UNC13C: variants seen among roughly 807,000 people sequenced by gnomAD.
UNC13C encodes protein unc-13 homolog C.
Under a neutral mutation model 245.4 loss-of-function variants are expected in UNC13C, and 174 were observed. The observed-to-expected ratio is 0.71, with a 90% CI of 0.63 to 0.80. The LOEUF (loss-of-function observed/expected upper bound fraction) is 0.80. Among genes scored for constraint, UNC13C ranks in the 30% least tolerant of loss-of-function variants. UNC13C has a pLI of 0.00. For synonymous variants in UNC13C, 992 were observed against 895.1 expected (o/e 1.11, Z -1.93); for missense variants, 2,829 against 2,602.9 (o/e 1.09, Z -1.89).
At chr15:54,148,824 C>T (rs571964913) in intron 4 of UNC13C, among the ~76,000 whole-genome samples, 1 of 152,310 alleles carries the variant, frequency 6.6e-6, no homozygotes, top group South Asian at 2.1e-4. Flanking sequence ...GTTTACCCTA[C>T]GGCACCATCC....
At chr15:54,608,735 C>T (rs181916464) in intron 30 of UNC13C, among the ~76,000 whole-genome samples, 124 of 152,226 alleles carry the variant, frequency 8.1e-4, no homozygotes, top group African/African-American at 2.8e-3. Flanking sequence ...TTGCATTATA[C>T]CCTCTGTTTA....
intron 4 of UNC13C, among the ~76,000 whole-genome samples, chr15:54,199,132 A>C (rs1488678444): frequency 2.0e-5 from 3 of 152,088 alleles, no homozygotes; most frequent in Non-Finnish European, 4.4e-5. Context: ...AACCCAATCC[A>C]TCAAAGACAA....
chr15:54,071,679 C>G (rs1898336218), intron 2 of UNC13C, among the ~76,000 whole-genome samples: 1 of 152,054 alleles, frequency 6.6e-6, no homozygotes, highest in South Asian at 2.1e-4. Context: ...AAAAAGAACA[C>G]TATTTCATGA....
the UNC13C span, among the ~76,000 whole-genome samples, chr15:53,876,669 A>G: frequency 6.6e-6 from 1 of 152,016 alleles, no homozygotes; most frequent in African/African-American, 2.4e-5. Flanking sequence ...GTCTGCTCAG[A>G]TTTATTTATT....
the UNC13C span, chr15:53,911,238 T>G: frequency 6.6e-6 from 1 of 152,188 alleles, no homozygotes; most frequent in African/African-American, 2.4e-5. Context: ...GACCTCCAGG[T>G]GCAAGCAGGG....
At chr15:54,022,754 G>T (rs777548145) in intron 2 of UNC13C, among the ~76,000 whole-genome samples, 1 of 152,042 alleles carries the variant, frequency 6.6e-6, no homozygotes. Context: ...TTTTTACTTC[G>T]ATGTAATTCC....
At chr15:54,080,856 T>C (rs8041877) in intron 2 of UNC13C, among the ~76,000 whole-genome samples, 25,211 of 152,014 alleles carry the variant, frequency 0.17, 2,294 homozygotes, top group South Asian at 0.33. Context: ...TAACTTTGCA[T>C]TTGGTTAGTT....
chr15:54,138,524 T>C (rs1222839110), intron 2 of UNC13C, among the ~76,000 whole-genome samples: 2 of 152,110 alleles, frequency 1.3e-5, no homozygotes, highest in African/African-American at 2.4e-5. Flanking sequence ...GAACATTTTC[T>C]ATATTTTTAT....
At chr15:53,841,838 C>T in the UNC13C span, among the ~76,000 whole-genome samples, 1 of 152,174 alleles carries the variant, frequency 6.6e-6, no homozygotes, top group African/African-American at 2.4e-5. Context: ...TTTGCCTCTT[C>T]TGTCTTCAGT....
At chr15:54,481,522 A>T (rs1339424136) in intron 19 of UNC13C, among the ~76,000 whole-genome samples, 1 of 152,172 alleles carries the variant, frequency 6.6e-6, no homozygotes, top group Admixed American at 6.5e-5. Flanking sequence ...GGGTTGGATC[A>T]GTCCCCAGGT....
chr15:53,841,503 C>T, the UNC13C span, among the ~76,000 whole-genome samples: 1 of 151,972 alleles, frequency 6.6e-6, no homozygotes, highest in East Asian at 1.9e-4. Flanking sequence ...AATCTGCCGG[C>T]AACTAATAGA....
intron 24 of UNC13C, among the ~76,000 whole-genome samples, chr15:54,516,475 A>C (rs1388175633): frequency 6.6e-6 from 1 of 152,088 alleles, no homozygotes; most frequent in Non-Finnish European, 1.5e-5. Flanking sequence ...TGGTCTGGGG[A>C]CCATGCATTG....
At chr15:54,286,575 G>A (rs1308979741) in intron 10 of UNC13C, among the ~76,000 whole-genome samples, 3 of 152,156 alleles carry the variant, frequency 2.0e-5, no homozygotes, top group Non-Finnish European at 4.4e-5. Flanking sequence ...TCCATCTCAT[G>A]ATGGGTTAAA....
intron 26 of UNC13C, among the ~76,000 whole-genome samples, chr15:54,540,927 T>C (rs1896216713): frequency 6.6e-6 from 1 of 152,074 alleles, no homozygotes; most frequent in Admixed American, 6.6e-5. Context: ...GCAGAGTTGT[T>C]GTGTCTCCAA....
At chr15:54,247,559 C>G (rs1437735934) in intron 7 of UNC13C, among the ~76,000 whole-genome samples, 3 of 152,058 alleles carry the variant, frequency 2.0e-5, no homozygotes, top group African/African-American at 7.2e-5. Flanking sequence ...TTGATAAATA[C>G]ATGCCCATAC....
chr15:54,327,716 C>T (rs757158132), intron 14 of UNC13C, among the ~76,000 whole-genome samples: 18 of 151,932 alleles, frequency 1.2e-4, no homozygotes, highest in Non-Finnish European at 2.1e-4. Flanking sequence ...GGGATGTAAC[C>T]AGTGCACTGA....
intron 30 of UNC13C, among the ~76,000 whole-genome samples, chr15:54,591,058 T>G (rs1424550900): frequency 6.6e-6 from 1 of 152,180 alleles, no homozygotes; most frequent in African/African-American, 2.4e-5. Context: ...ATCATGTGAT[T>G]TGTGTCTTTA....
rs771593570 is a variant in UNC13C, at chr15:54,015,008, A to G, written c.2105A>G (p.His702Arg). Reference sequence around the variant, plus strand: ...GACCTAGAATACTTGGGAAAGTGCCACAGTGATCTTCAAGATGACTCAGAG... The same window carrying G: ...GACCTAGAATACTTGGGAAAGTGCCGCAGTGATCTTCAAGATGACTCAGAG... ...NKDLEYLGKC[H>R]SDLQDDSESY... Residue 702 changes from histidine (H) to arginine (R), a missense_variant, in exon 2 of 33, where the codon CAC becomes CGC. His to Arg is a conservative substitution (Grantham distance 29, BLOSUM62 0). Transcript: ENST00000260323. 6 of 1,613,480 alleles carry G rather than the reference A, an allele frequency of 3.7e-6. No individual in the cohort carries two copies. Among genetic ancestry groups the G allele is most frequent in the Non-Finnish European group, 4.2e-6 (5 of 1,179,782 alleles).
chr15:53,899,950 C>T, the UNC13C span, among the ~76,000 whole-genome samples: 1 of 152,176 alleles, frequency 6.6e-6, no homozygotes, highest in South Asian at 2.1e-4. Context: ...CAACAGATAA[C>T]TACCCCACCC....
Sources: allele counts gnomAD v4.1 joint callset (sites outside exome capture counted in the v4.1 genomes callset), GRCh38; gene constraint gnomAD v4.1.1; transcripts MANE v1.5; gene names NCBI Gene and HGNC (gene_info 2026-07-23, HGNC 2026-07-21).